The following UTP15 variants were observed in gnomAD, a reference collection of about 807,000 sequenced individuals.
UTP15 encodes U3 small nucleolar RNA-associated protein 15 homolog.
A neutral mutation model predicts 59.1 loss-of-function variants in UTP15; 5 were observed. That is an observed-to-expected ratio of 0.08 (90% CI 0.04 to 0.18). UTP15 has a LOEUF of 0.18. Among genes scored for constraint, UTP15 ranks in the 10% least tolerant of loss-of-function variants. UTP15 has a pLI of 1.00. For synonymous variants in UTP15, 211 were observed against 212.2 expected (o/e 0.99, Z 0.05); for missense variants, 494 against 616.7 (o/e 0.80, Z 2.11).
At chr5:73,571,086 G>T (rs1450329925) in intron 6 of UTP15, among the ~76,000 whole-genome samples, 1 of 151,524 alleles carries the variant, frequency 6.6e-6, no homozygotes, top group African/African-American at 2.4e-5. Flanking sequence ...ATTTAGCCCT[G>T]TGCCATCTTA....
In UTP15 at chr5:73,567,360, C is replaced by T; in HGVS notation, c.16C>T (p.Pro6Ser). The T allele has an allele frequency of 1.2e-6, 2 of 1,606,548 alleles. No homozygotes were observed. The highest frequency in any genetic ancestry group is 1.7e-6 in the Non-Finnish European group (2 of 1,176,160). Residue 6 changes from proline to serine, a missense_variant, in exon 2 of 13, where the codon CCT (proline) becomes TCT (serine). Transcript: ENST00000296792. The stretch of plus-strand genomic sequence containing the variant: ...ATATGGAATTATGGCTGGTTATAAG[C>T]CTGTAGCTATTCAGACATATCCTAT... MAGYK[P>S]VAIQTYPILG...
chr5:73,569,472 A>G, intron 4 of UTP15, 25 bp from the exon 5 acceptor site: 2 of 1,475,932 alleles, frequency 1.4e-6, no homozygotes, highest in Non-Finnish European at 1.8e-6. Flanking sequence ...CTTGCTTTTT[A>G]ATATACTGAC....
chr5:73,580,753 A>G lies in UTP15; in HGVS notation c.*659A>G, dbSNP rs1000107909. On this transcript the variant is annotated 3_prime_UTR_variant, in exon 13 of 13. Coordinates refer to ENST00000296792, the MANE Select transcript of UTP15 (RefSeq NM_032175.4). ...AAGCTCTACAGATAGACCTTATTGG[A>G]CTACTTTTTTTTTTTTCTTCATGCA... The G allele has an allele frequency of 6.6e-6, 1 of 151,216 alleles. No individual in the cohort carries two copies. The highest frequency in any genetic ancestry group is 2.4e-5 in the African/African-American group (1 of 41,310). The allele number at this position is 151,216 out of a possible 1,614,324, so 9.4% of individuals were successfully genotyped here.
chr5:73,566,907 A>C (rs1251930815), intron 1 of UTP15, among the ~76,000 whole-genome samples: 1 of 152,216 alleles, frequency 6.6e-6, no homozygotes, highest in Non-Finnish European at 1.5e-5. Context: ...GTTTCAGGAA[A>C]CTTGTATTTG....
At chr5:73,567,675 A>G (rs1747820072) in intron 2 of UTP15, 1 of 300,060 alleles carries the variant, frequency 3.3e-6, no homozygotes, top group Admixed American at 5.0e-5. Flanking sequence ...ATCAATGCCA[A>G]ATGAATTAAA....
At chr5:73,573,329 C>G (rs929584401) in intron 7 of UTP15, among the ~76,000 whole-genome samples, 1 of 150,018 alleles carries the variant, frequency 6.7e-6, no homozygotes, top group Non-Finnish European at 1.5e-5. Context: ...CTTACTGCAA[C>G]CTCTGTCTCC....
At chr5:73,574,912 G>T (rs1186189215) in intron 7 of UTP15, among the ~76,000 whole-genome samples, 1 of 152,116 alleles carries the variant, frequency 6.6e-6, no homozygotes, top group Non-Finnish European at 1.5e-5. Context: ...AGGAGAATTG[G>T]TTGTGGATGC....
chr5:73,566,039 A>G (rs976995401), intron 1 of UTP15, 127 bp downstream of exon 1: 10 of 351,342 alleles, frequency 2.8e-5, no homozygotes, highest in Non-Finnish European at 5.6e-6. Flanking sequence ...TAACCGGCTC[A>G]AGTTCCCCTC....
Position 73,580,623 on chromosome 5 carries a change from C to T in UTP15, c.*529C>T, listed in dbSNP as rs990205392. 8 of 152,476 alleles carry T rather than the reference C, an allele frequency of 5.2e-5. No individual in the cohort carries two copies. Among genetic ancestry groups the T allele is most frequent in the African/African-American group, 1.9e-4 (8 of 41,446 alleles). The allele number at this position is 152,476 out of a possible 1,614,324, so 9.4% of individuals were successfully genotyped here. Reference sequence around the variant, plus strand: ...TCTACACTTGTCTTAGATCACATGCCCTGCTTCAGCTGGTAATGGGACTGC... The same window carrying T: ...TCTACACTTGTCTTAGATCACATGCTCTGCTTCAGCTGGTAATGGGACTGC... On this transcript the variant is annotated 3_prime_UTR_variant, in exon 13 of 13. Transcript: ENST00000296792.
At chr5:73,573,819 T>G (rs1027368049) in intron 7 of UTP15, among the ~76,000 whole-genome samples, 25 of 145,902 alleles carry the variant, frequency 1.7e-4, no homozygotes, top group Non-Finnish European at 9.0e-5. Flanking sequence ...GGTGATCCAC[T>G]CACCTTGGCC....
At position 73,578,869 on chromosome 5, in the gene UTP15, T is replaced by C. The variant is rs140164456; in HGVS notation, c.1146+17T>C. 5.7e-6 allele frequency: 9 copies of C among 1,590,598 alleles called. No homozygotes were observed. Among genetic ancestry groups the C allele is most frequent in the Non-Finnish European group, 7.8e-6 (9 of 1,159,938 alleles). On this transcript the variant is annotated intron_variant, in intron 10 of 12. Coordinates refer to ENST00000296792, the MANE Select transcript of UTP15 (RefSeq NM_032175.4). The stretch of plus-strand genomic sequence containing the variant: ...GTTCTTGATGTGAGTGAGCATTTTT[T>C]AAAAAATCATGTTATTACTTACCCT...
rs750697979 is a variant in UTP15, at chr5:73,565,781, C to A, written c.-215C>A. The stretch of plus-strand genomic sequence containing the variant: ...GCGACGTTCGGTTCGCTGTGTGTGT[C>A]GCCGGCTCCTTGAGGGTCCATGTGA... On this transcript the variant is annotated 5_prime_UTR_variant, in exon 1 of 13. Transcript: ENST00000296792. 1.8e-5 allele frequency: 8 copies of A among 456,146 alleles called. No homozygotes were observed. The Admixed American group carries it at 1.9e-4, about 11-fold the overall frequency. The allele number at this position is 456,146 out of a possible 1,614,324, so 28.3% of individuals were successfully genotyped here.
chr5:73,575,182 A>T (rs1425723572), intron 7 of UTP15, among the ~76,000 whole-genome samples: 1 of 152,222 alleles, frequency 6.6e-6, no homozygotes, highest in African/African-American at 2.4e-5. Flanking sequence ...AATATTTTTA[A>T]TACAAAGGAA....
chr5:73,570,465 A>T, intron 5 of UTP15, 121 bp from the exon 6 acceptor site: 1 of 948,044 alleles, frequency 1.1e-6, no homozygotes, highest in Non-Finnish European at 1.6e-6. Flanking sequence ...TCATGAATAT[A>T]CATATATGTC....
At chr5:73,569,459 TTTC>T in intron 4 of UTP15, 35 bp from the exon 5 acceptor site, 2 of 1,412,824 alleles carry the variant, frequency 1.4e-6, no homozygotes, top group South Asian at 3.3e-5. Flanking sequence ...GAAAAATAAT[TTTC>T]TTGCTTTTTA....
intron 8 of UTP15, among the ~76,000 whole-genome samples, chr5:73,577,632 A>G (rs1748140854): frequency 6.6e-6 from 1 of 152,156 alleles, no homozygotes; most frequent in Non-Finnish European, 1.5e-5. Flanking sequence ...TGCCAGTGAT[A>G]TTTTACAAGT....
Position 73,582,874 on chromosome 5 carries a change from C to G in UTP15, c.*2780C>G, listed in dbSNP as rs1187549399. 6.6e-6 allele frequency: 1 copy of G among 152,146 alleles called. No homozygotes were observed. Among genetic ancestry groups the G allele is most frequent in the Non-Finnish European group, 1.5e-5 (1 of 68,030 alleles). The allele number at this position is 152,146 out of a possible 1,614,324, so 9.4% of individuals were successfully genotyped here. A position where few individuals can be genotyped will look rare whatever the true frequency, so the allele number is the denominator to read the frequency against. On this transcript the variant is annotated 3_prime_UTR_variant, in exon 13 of 13. Coordinates refer to ENST00000296792, the MANE Select transcript of UTP15 (RefSeq NM_032175.4). Reference sequence around the variant, plus strand: ...AAATGTTACTAAGTCTGCAAAAGTACTGAAATGTTTCAGAGAACTTGGAAA... The same window carrying G: ...AAATGTTACTAAGTCTGCAAAAGTAGTGAAATGTTTCAGAGAACTTGGAAA...
At chr5:73,578,595 AG>A (rs1442425186) in intron 9 of UTP15, among the ~76,000 whole-genome samples, 155 bp from the exon 10 acceptor site, 1 of 151,720 alleles carries the variant, frequency 6.6e-6, no homozygotes, top group African/African-American at 2.4e-5. Flanking sequence ...GACTCTGATT[AG>A]CAGGATGCAT....
intron 1 of UTP15, 116 bp downstream of exon 1, chr5:73,566,028 T>A: frequency 2.8e-6 from 1 of 355,802 alleles, no homozygotes; most frequent in Non-Finnish European, 5.6e-6. Context: ...GCCAAATTCT[T>A]TAACCGGCTC....
Sources: gnomAD v4.1 joint callset for allele counts (sites outside exome capture counted in the v4.1 genomes callset) on GRCh38, gnomAD v4.1.1 for gene constraint, MANE v1.5 for transcripts, NCBI Gene and HGNC (gene_info 2026-07-23, HGNC 2026-07-21) for gene names.